TMSB15B: variants seen among roughly 807,000 people sequenced by gnomAD.
The protein encoded by TMSB15B is thymosin beta-15B.
At chrX:103,928,025 T>C (rs2074973743) in intron 1 of TMSB15B, 3 of 611,927 alleles carry the variant, frequency 4.9e-6, no homozygotes, top group East Asian at 3.4e-5. Context: ...GCCAACGGAA[T>C]TAATTGGTCG....
At chrX:103,922,705 C>A (rs1263213718) in intron 1 of TMSB15B, among the ~76,000 whole-genome samples, 4 of 111,517 alleles carry the variant, frequency 3.6e-5, no homozygotes, top group Non-Finnish European at 7.5e-5. Context: ...GATTTATAAT[C>A]CTTTGGGTAT....
At chrX:103,953,332 T>C (rs1556328625) in intron 1 of TMSB15B, among the ~76,000 whole-genome samples, 3 of 111,913 alleles carry the variant, frequency 2.7e-5, no homozygotes, top group Non-Finnish European at 3.8e-5. Context: ...ACTCTGGCTA[T>C]CCGGGCATCC....
At chrX:103,948,679 G>A (rs1411893449) in intron 1 of TMSB15B, among the ~76,000 whole-genome samples, 7 of 112,387 alleles carry the variant, frequency 6.2e-5, no homozygotes, top group Middle Eastern at 4.2e-3. Flanking sequence ...TCACAATGTT[G>A]TGTAAAAGAA....
At chrX:103,921,928 T>C (rs1376007034) in intron 1 of TMSB15B, among the ~76,000 whole-genome samples, 1 of 111,824 alleles carries the variant, frequency 8.9e-6, no homozygotes, top group Non-Finnish European at 1.9e-5. Context: ...GCCAGGGATG[T>C]CAAACTCCAA....
rs180692354 is a variant in TMSB15B at position 103,925,345 on chromosome X, A to G, written c.-721+6053A>G. 5.3e-5 allele frequency among the ~76,000 whole-genome samples: 6 copies of G among 112,342 alleles called. No individual in the cohort carries two copies. In the East Asian group the frequency reaches 1.1e-3, roughly 21 times the overall value. ...ATAGAAAATACTTTGGAGAAACTTG[A>G]TCTTCACTCCCATAAAATGGAAAGG... On this transcript the variant is annotated intron_variant, in intron 1 of 3. Coordinates refer to the TMSB15B transcript ENST00000419165.
intron 1 of TMSB15B, among the ~76,000 whole-genome samples, chrX:103,945,069 A>G (rs1195083841): frequency 8.9e-6 from 1 of 112,765 alleles, no homozygotes; most frequent in Non-Finnish European, 1.9e-5. Flanking sequence ...TGAGCCACTG[A>G]GCCCGGCCAA....
At chrX:103,950,742 TTGTG>T (rs782490575) in intron 1 of TMSB15B, among the ~76,000 whole-genome samples, 1 of 110,403 alleles carries the variant, frequency 9.1e-6, no homozygotes, top group East Asian at 2.8e-4. Context: ...TGATGAATAT[TTGTG>T]TGTGTTATAT....
intron 1 of TMSB15B, among the ~76,000 whole-genome samples, chrX:103,920,267 A>C (rs1407342244): frequency 9.0e-6 from 1 of 111,561 alleles, no homozygotes; most frequent in Non-Finnish European, 1.9e-5. Context: ...AAAGTGAGTA[A>C]AAAGTGGGCT....
chrX:103,953,030 C>T (rs1373953141), intron 1 of TMSB15B, among the ~76,000 whole-genome samples: 14 of 111,718 alleles, frequency 1.3e-4, no homozygotes, highest in African/African-American at 9.8e-5. Context: ...TCCAGGTTCT[C>T]GCATTGAGAT....
intron 1 of TMSB15B, among the ~76,000 whole-genome samples, chrX:103,920,768 G>C (rs782059849): frequency 8.9e-6 from 1 of 112,393 alleles, no homozygotes; most frequent in East Asian, 2.8e-4. Flanking sequence ...TCAAGGACAG[G>C]TTGCTAGGTT....
chrX:103,931,491 T>C (rs2074984732), intron 1 of TMSB15B: 2 of 112,040 alleles, frequency 1.8e-5, no homozygotes, highest in South Asian at 7.6e-4. Flanking sequence ...GGATATTTTT[T>C]CCCTGAACTG....
intron 1 of TMSB15B, among the ~76,000 whole-genome samples, chrX:103,925,394 A>G (rs1172058834): frequency 8.9e-6 from 1 of 112,659 alleles, no homozygotes; most frequent in Non-Finnish European, 1.9e-5. Context: ...AATGGATTAC[A>G]TATTTAAGGT....
chrX:103,928,725 T>G, intron 1 of TMSB15B: 1 of 1,161,443 alleles, frequency 8.6e-7, no homozygotes, highest in Non-Finnish European at 1.2e-6. Flanking sequence ...GCCTGGCCCA[T>G]TGGGTTCCTG....
At chrX:103,931,081 G>A (rs2074983712) in intron 1 of TMSB15B, 1 of 111,444 alleles carries the variant, frequency 9.0e-6, no homozygotes. Context: ...AGTTGTTGGA[G>A]GTATGATGTC....
At chrX:103,955,608 C>T (rs1240561158) in intron 1 of TMSB15B, among the ~76,000 whole-genome samples, 1 of 110,435 alleles carries the variant, frequency 9.1e-6, no homozygotes, top group Admixed American at 9.7e-5. Context: ...AGAATGAAAA[C>T]GAATGAACAA....
chrX:103,949,883 T>A (rs1434126995), intron 1 of TMSB15B, among the ~76,000 whole-genome samples: 1 of 111,475 alleles, frequency 9.0e-6, no homozygotes, highest in African/African-American at 3.3e-5. Flanking sequence ...ATTCTCATTT[T>A]AAGAGGTTTG....
At chrX:103,955,335 G>A (rs1556328966) in intron 1 of TMSB15B, among the ~76,000 whole-genome samples, 2 of 110,685 alleles carry the variant, frequency 1.8e-5, no homozygotes, top group African/African-American at 6.6e-5. Context: ...GTATAGGAAA[G>A]AAGTTCACTG....
In TMSB15B at chrX:103,930,725, G is replaced by GATGATAATAATA. The variant is rs141575289; in HGVS notation, c.-721+11435_-721+11436insGATAATAATAAT. 2.7e-3 allele frequency among the ~76,000 whole-genome samples: 250 copies of GATGATAATAATA among 93,052 alleles called. 1 individual carries two copies. Among genetic ancestry groups the GATGATAATAATA allele is most frequent in the Middle Eastern group, 0.022 (4 of 182 alleles). The allele number at this position is 93,052 out of a possible 115,157, so 80.8% of individuals were successfully genotyped here. A position where few individuals can be genotyped will look rare whatever the true frequency, so the allele number is the denominator to read the frequency against. ...TTGTGCTAATGATAATGATGCTGTTGATAATAATAATAATAATAATAATAA... is the reference window on the plus strand; with the variant it reads ...TTGTGCTAATGATAATGATGCTGTTGATGATAATAATAATAATAATAATAATAATAATAATAA... On this transcript the variant is annotated intron_variant, in intron 1 of 3. Transcript: ENST00000419165.
At chrX:103,926,257 G>C (rs1425654430) in intron 1 of TMSB15B, among the ~76,000 whole-genome samples, 1 of 109,126 alleles carries the variant, frequency 9.2e-6, no homozygotes, top group Non-Finnish European at 1.9e-5. Flanking sequence ...TCCACCAAGA[G>C]GTGAGTGTGG....
Sources: allele counts gnomAD v4.1 joint callset (sites outside exome capture counted in the v4.1 genomes callset), GRCh38; gene constraint gnomAD v4.1.1; transcripts MANE v1.5; gene names NCBI Gene and HGNC (gene_info 2026-07-23, HGNC 2026-07-21).